The following RAB11FIP1 variants were observed in gnomAD, a reference collection of about 807,000 sequenced individuals.
RAB11FIP1 encodes the protein rab11 family-interacting protein 1.
A neutral mutation model predicts 83.1 loss-of-function variants in RAB11FIP1; 49 were observed. The ratio of observed to expected loss-of-function variants is 0.59; its 90% confidence interval spans 0.47 to 0.75. RAB11FIP1 has a LOEUF of 0.75. RAB11FIP1 is among the 30% of genes least tolerant of loss of function. RAB11FIP1 has a pLI of 0.00. For synonymous variants in RAB11FIP1, 670 were observed against 656.0 expected, an observed-to-expected ratio of 1.02 and a Z score of -0.33; for missense variants, 1,536 against 1,598.7, an observed-to-expected ratio of 0.96 and a Z score of 0.67.
rs372861190 is a variant in RAB11FIP1 at position 37,871,259 on chromosome 8, A to T, written c.3524+19T>A. On this transcript the variant is annotated intron_variant, in intron 4 of 5. Coordinates refer to ENST00000330843, the MANE Select transcript of RAB11FIP1 (RefSeq NM_001002814.3). The stretch of plus-strand genomic sequence containing the variant: ...GGACATTGCTCACATTTACATAGAC[A>T]ATCTCCCCCATCTCTCACCTGTGCT... 1 of 1,581,530 alleles carries T rather than the reference A, an allele frequency of 6.3e-7. No homozygotes were observed. The highest frequency in any genetic ancestry group is 1.4e-5 in the African/African-American group (1 of 73,540).
chr8:37,871,069 T>C (rs1167208556), intron 4 of RAB11FIP1: 1 of 590,686 alleles, frequency 1.7e-6, no homozygotes, highest in Non-Finnish European at 2.8e-6. Context: ...ATTCCTAAGC[T>C]ATATTTACAG....
intron 1 of RAB11FIP1, among the ~76,000 whole-genome samples, chr8:37,894,583 TA>T (rs1285547270): frequency 6.6e-6 from 1 of 152,006 alleles, no homozygotes; most frequent in Non-Finnish European, 1.5e-5. Context: ...AACAGCCTTC[TA>T]GTCACCAGGC....
In RAB11FIP1 at chr8:37,877,313, C is replaced by A; in HGVS notation, c.610G>T (p.Asp204Tyr). ...TTCTTGTCTTTAACCACAGACTCAT[C>A]ATCACTGTCGACCGAAGGTGTCGTG... ...PSTTPSVDSD[D>Y]ESVVKDKKKK... Residue 204 changes from aspartate to tyrosine, a missense_variant, in exon 2 of 6, where the codon GAT becomes TAT. Asp to Tyr is a radical substitution (Grantham distance 160). Coordinates refer to ENST00000330843, the MANE Select transcript of RAB11FIP1 (RefSeq NM_001002814.3). 6.2e-7 allele frequency: 1 copy of A among 1,614,192 alleles called. No homozygotes were observed. The highest frequency in any genetic ancestry group is 8.5e-7 in the Non-Finnish European group (1 of 1,180,026).
At chr8:37,891,947 A>G (rs1244164549) in intron 1 of RAB11FIP1, among the ~76,000 whole-genome samples, 1 of 152,166 alleles carries the variant, frequency 6.6e-6, no homozygotes, top group Non-Finnish European at 1.5e-5. Flanking sequence ...CCTGGTTTCA[A>G]TGGCATTTCC....
chr8:37,870,182 T>C (rs1288404324), intron 5 of RAB11FIP1, among the ~76,000 whole-genome samples: 1 of 151,736 alleles, frequency 6.6e-6, no homozygotes, highest in Non-Finnish European at 1.5e-5. Context: ...AGGGCCAGTG[T>C]CAATCATGTT....
chr8:37,863,863 C>CA (rs1806290073), intron 5 of RAB11FIP1, among the ~76,000 whole-genome samples: 1 of 152,224 alleles, frequency 6.6e-6, no homozygotes. Flanking sequence ...GGAGCTCACA[C>CA]AACCAAACAC....
Position 37,877,206 on chromosome 8 carries a change from C to A in RAB11FIP1, c.717G>T (p.Pro239=). 1 of 1,614,068 alleles carries A rather than the reference C, an allele frequency of 6.2e-7. No individual in the cohort carries two copies. Among genetic ancestry groups the A allele is most frequent in the Non-Finnish European group, 8.5e-7 (1 of 1,179,990 alleles). Reference sequence around the variant, plus strand: ...GCAGCACTTTTTCTGGCTTTGAAGTCGGCAGGACAGACATGGACTGGGAAA... The same window carrying A: ...GCAGCACTTTTTCTGGCTTTGAAGTAGGCAGGACAGACATGGACTGGGAAA... The part of the protein sequence containing the change: ...TPLSQSMSVL[P]TSKPEKVLLR... Residue 239 remains proline (P), a synonymous_variant, in exon 2 of 6, where the codon CCG becomes CCT. Transcript: ENST00000330843.
chr8:37,876,247 AAGGAAGGAAGGAAGG>A (rs1236111341), intron 2 of RAB11FIP1, among the ~76,000 whole-genome samples: 45 of 151,162 alleles, frequency 3.0e-4, no homozygotes, highest in African/African-American at 1.1e-3. Context: ...GGAAGGAAGG[AAGGAAGGAAGGAAGG>A]AAGAAAGAAG....
Position 37,871,841 on chromosome 8 carries a change from CTCTCCATCATCTTCAACCTGA to C in RAB11FIP1, c.2940_2960del (p.Asp980_Gly986del). 6.2e-7 allele frequency: 1 copy of C among 1,614,224 alleles called. No individual in the cohort carries two copies. Among genetic ancestry groups the C allele is most frequent in the Non-Finnish European group, 8.5e-7 (1 of 1,180,032 alleles). ...TGTCCAGAGTTGACGACTTTGCTGT[CTCTCCATCATCTTCAACCTGA>C]TCTCCGTCATCTTCAACCTGATCTA... On this transcript the variant is annotated inframe_deletion, in exon 4 of 6. Transcript: ENST00000330843.
rs1028656215 is a variant in RAB11FIP1 at position 37,899,018 on chromosome 8, C to A, written c.371+53G>T. On this transcript the variant is annotated intron_variant, in intron 1 of 5. Transcript: ENST00000330843. This position sits in a 1 kb window ranked among gnomAD's most constrained non-coding sequence, Gnocchi z 4.5. The stretch of plus-strand genomic sequence containing the variant: ...AGGGTCCAGCGCCCAGACCGCCCTG[C>A]CGGAGGGGTCCGCGCCCCCAGGCCG... The A allele has an allele frequency of 4.2e-6, 6 of 1,414,472 alleles. No homozygotes were observed. The highest frequency in any genetic ancestry group is 3.1e-5 in the Admixed American group (1 of 32,438). 87.6% of individuals were successfully genotyped at this position (1,414,472 alleles called of 1,614,324 possible).
In RAB11FIP1 at chr8:37,875,238, G is replaced by C. The variant is rs748420723; in HGVS notation, c.899C>G (p.Ser300Cys). 6.2e-7 allele frequency: 1 copy of C among 1,614,076 alleles called. No individual in the cohort carries two copies. The highest frequency in any genetic ancestry group is 8.5e-7 in the Non-Finnish European group (1 of 1,179,972). Residue 300 changes from serine to cysteine, a missense_variant, in exon 3 of 6, where the codon TCC becomes TGC. Coordinates refer to ENST00000330843, the MANE Select transcript of RAB11FIP1 (RefSeq NM_001002814.3). ...NFTLPKKEGL[S>C]FLGGLRSKND... ...CTTAGACCGAAGGCCACCAAGAAAG[G>C]AAAGTCCTTCCTTCTTGGGAAGGGT...
intron 1 of RAB11FIP1, among the ~76,000 whole-genome samples, chr8:37,896,962 T>A (rs1414668862): frequency 6.6e-6 from 1 of 152,034 alleles, no homozygotes; most frequent in African/African-American, 2.4e-5. Context: ...GAGAAGGAAG[T>A]GAATACACAC....
In RAB11FIP1 at chr8:37,899,073, C is replaced by T. The variant is rs762117611; in HGVS notation, c.369G>A (p.Thr123=). The T allele has an allele frequency of 2.8e-5, 42 of 1,498,230 alleles. No homozygotes were observed. The highest frequency in any genetic ancestry group is 3.4e-5 in the Non-Finnish European group (38 of 1,133,076). 92.8% of individuals were successfully genotyped at this position (1,498,230 alleles called of 1,614,324 possible). The change falls in exon 1 of 6, where the codon ACG becomes ACA. Residue 123 remains threonine (T), a splice_region_variant and synonymous_variant. Transcript: ENST00000330843. This position sits in a 1 kb window ranked among gnomAD's most constrained non-coding sequence, Gnocchi z 4.5. ...CTCCCCTCCCCGCCCGCACTCACTG[C>T]GTCTTCCTGCGGCCCTGGTCGCGGT... is the stretch of plus-strand genomic sequence containing the variant. ...DLHRDQGRRK[T]QWYKLKSKPG... is the part of the protein sequence containing the mutation.
At chr8:37,891,742 T>C (rs1433278959) in intron 1 of RAB11FIP1, among the ~76,000 whole-genome samples, 1 of 151,856 alleles carries the variant, frequency 6.6e-6, no homozygotes, top group African/African-American at 2.4e-5. Context: ...CTTGAGAATT[T>C]TTTTTTCATT....
chr8:37,874,444 G>A, intron 3 of RAB11FIP1, 71 bp downstream of exon 3: 1 of 1,198,788 alleles, frequency 8.3e-7, no homozygotes, highest in Admixed American at 1.9e-5. Flanking sequence ...CACAAGAGCT[G>A]GTCTAACGTA....
At position 37,899,011 on chromosome 8, in the gene RAB11FIP1, C is replaced by G; in HGVS notation, c.371+60G>C. 1 of 1,403,050 alleles carries G rather than the reference C, an allele frequency of 7.1e-7. No homozygotes were observed. The highest frequency in any genetic ancestry group is 9.2e-7 in the Non-Finnish European group (1 of 1,086,414). The allele number at this position is 1,403,050 out of a possible 1,614,324, so 86.9% of individuals were successfully genotyped here. A position where few individuals can be genotyped will look rare whatever the true frequency, so the allele number is the denominator to read the frequency against. On this transcript the variant is annotated intron_variant, in intron 1 of 5. Coordinates refer to ENST00000330843, the MANE Select transcript of RAB11FIP1 (RefSeq NM_001002814.3). This position sits in a 1 kb window ranked among gnomAD's most constrained non-coding sequence, Gnocchi z 4.5. ...CTCTCGAAGGGTCCAGCGCCCAGAC[C>G]GCCCTGCCGGAGGGGTCCGCGCCCC...
In RAB11FIP1 at chr8:37,875,280, A is replaced by G. The variant is rs1806584759; in HGVS notation, c.857T>C (p.Leu286Pro). The G allele has an allele frequency of 6.2e-7, 1 of 1,613,654 alleles. No individual in the cohort carries two copies. ...GGGAAGGGTAAAGTTGACCTGGTTC[A>G]GTTGCTTAAGATCCGTACTCGCTGT... ...KRTASTDLKQ[L>P]NQVNFTLPKK... The change falls in exon 3 of 6, where the codon CTG becomes CCG. Residue 286 changes from leucine (L) to proline (P), a missense_variant. Transcript: ENST00000330843.
chr8:37,864,692 C>T (rs983871537), intron 5 of RAB11FIP1, among the ~76,000 whole-genome samples: 33 of 152,200 alleles, frequency 2.2e-4, no homozygotes, highest in African/African-American at 7.0e-4. Context: ...ATAGACAGAG[C>T]GGGTTCAACC....
chr8:37,898,787 T>C (rs2130210975), intron 1 of RAB11FIP1, among the ~76,000 whole-genome samples: 1 of 149,730 alleles, frequency 6.7e-6, no homozygotes, highest in African/African-American at 2.5e-5. Flanking sequence ...GCCATTGCCA[T>C]TGCACTCCAG....
Sources: allele counts gnomAD v4.1 joint callset (sites outside exome capture counted in the v4.1 genomes callset), GRCh38; gene constraint gnomAD v4.1.1; non-coding constraint Gnocchi (gnomAD v3.1); transcripts MANE v1.5; gene names NCBI Gene and HGNC (gene_info 2026-07-23, HGNC 2026-07-21).